The following PAK6 variants were observed in gnomAD, a reference collection of about 807,000 sequenced individuals.
The protein encoded by PAK6 is p21 (RAC1) activated kinase 6, also known as serine/threonine-protein kinase PAK 6.
PAK6 carries 33 observed loss-of-function variants against 60.8 expected under a neutral mutation model. The ratio of observed to expected loss-of-function variants is 0.54; its 90% CI spans 0.41 to 0.73. PAK6 has a LOEUF of 0.73. Ranked by LOEUF, PAK6 falls within the 30% of genes least tolerant of loss-of-function variation. PAK6 has a pLI of 0.00. For missense variants in PAK6, 845 were observed against 904.1 expected (o/e 0.93, Z 0.84); for synonymous variants, 404 against 378.5 (o/e 1.07, Z -0.78).
chr15:40,252,093 C>G (rs2038685462), intron 2 of PAK6: 1 of 328,548 alleles, frequency 3.0e-6, no homozygotes, highest in Admixed American at 4.7e-5. Context: ...AGGGGCTACC[C>G]CAGCACAGTC....
intron 7 of PAK6, 53 bp downstream of exon 7, chr15:40,273,052 C>T (rs1425588820): frequency 3.8e-6 from 6 of 1,596,354 alleles, no homozygotes; most frequent in Non-Finnish European, 5.1e-6. Context: ...CACCATGGCC[C>T]TGCCAGGGCA....
exon 6 of PAK6, chr15:40,272,265 A>G: frequency 6.2e-7 from 1 of 1,613,400 alleles, no homozygotes; most frequent in Non-Finnish European, 8.5e-7. Context: ...ACAACCCCCC[A>G]AGCCTGGTGG....
chr15:40,273,298 C>T, intron 7 of PAK6, 48 bp from the exon 8 acceptor site: 1 of 1,595,942 alleles, frequency 6.3e-7, no homozygotes, highest in Non-Finnish European at 8.5e-7. Context: ...CCACGACCTG[C>T]CAGAGCTAAC....
intron 5 of PAK6, among the ~76,000 whole-genome samples, chr15:40,269,766 C>T (rs1372207387): frequency 6.6e-6 from 1 of 152,224 alleles, no homozygotes; most frequent in African/African-American, 2.4e-5. Context: ...TGGGCCATCC[C>T]TCCCCCAGCC....
chr15:40,274,583 G>A (rs1038142554), intron 10 of PAK6, among the ~76,000 whole-genome samples: 4 of 152,254 alleles, frequency 2.6e-5, no homozygotes, highest in East Asian at 3.9e-4. Context: ...GGGAAAGCCA[G>A]GACACCAGCA....
intron 2 of PAK6, among the ~76,000 whole-genome samples, chr15:40,241,973 ACT>A (rs1324088635): frequency 6.6e-6 from 1 of 152,090 alleles, no homozygotes; most frequent in Admixed American, 6.5e-5. Flanking sequence ...ACAAAAGGTG[ACT>A]CTGTGCCTAG....
intron 2 of PAK6, among the ~76,000 whole-genome samples, chr15:40,250,376 G>A (rs1008149714): frequency 6.6e-6 from 1 of 152,246 alleles, no homozygotes. Context: ...AACTGGCGTT[G>A]TGATGGACCT....
exon 11 of PAK6, chr15:40,276,122 C>T (rs1303826049): frequency 1.1e-5 from 18 of 1,605,962 alleles, no homozygotes; most frequent in East Asian, 2.2e-5. Flanking sequence ...CTGCCACCTA[C>T]GCCCACAGGC....
intron 9 of PAK6, 93 bp downstream of exon 9, chr15:40,273,769 C>A: frequency 6.8e-7 from 1 of 1,475,062 alleles, no homozygotes; most frequent in Non-Finnish European, 9.2e-7. Flanking sequence ...TCACCAAAAG[C>A]AGCCCTGGTT....
At position 40,268,257 on chromosome 15, in the gene PAK6, G is replaced by C. The variant is rs534888852; in HGVS notation, c.858+1762G>C. On this transcript the variant is annotated intron_variant, in intron 5 of 10. Coordinates refer to ENST00000560346, the Ensembl canonical transcript of PAK6. ...AGCTGAGACCCCCCGAGCTGCTCCG[G>C]GCCGGGGCTTCTCAGCGTCCTCACT... 1.4e-3 allele frequency among the ~76,000 whole-genome samples: 215 copies of C among 152,268 alleles called. 6 individuals are homozygous for C. Among genetic ancestry groups the C allele is most frequent in the African/African-American group, 5.0e-3 (209 of 41,554 alleles).
chr15:40,273,929 T>C, intron 9 of PAK6: 1 of 674,264 alleles, frequency 1.5e-6, no homozygotes, highest in Non-Finnish European at 2.5e-6. Context: ...ATGATGGCCT[T>C]TCTCTGAGTG....
intron 2 of PAK6, among the ~76,000 whole-genome samples, chr15:40,243,076 C>T (rs893005117): frequency 2.0e-5 from 3 of 152,356 alleles, no homozygotes; most frequent in East Asian, 3.9e-4. Context: ...CTTTTGCCAA[C>T]TCTGGGTCCA....
At chr15:40,270,209 T>G (rs576889513) in intron 5 of PAK6, among the ~76,000 whole-genome samples, 1 of 152,308 alleles carries the variant, frequency 6.6e-6, no homozygotes, top group South Asian at 2.1e-4. Flanking sequence ...TGACGTCTCA[T>G]GGAACCTCTG....
At chr15:40,265,795 G>A (rs372108231) in intron 4 of PAK6, 47 bp from the exon 5 acceptor site, 550 of 1,487,942 alleles carry the variant, frequency 3.7e-4, no homozygotes, top group Non-Finnish European at 4.8e-4. Context: ...ACCCCTCCCT[G>A]CCACAATTGG....
At chr15:40,262,644 G>T (rs989167074) in intron 3 of PAK6, among the ~76,000 whole-genome samples, 14 of 152,338 alleles carry the variant, frequency 9.2e-5, no homozygotes, top group Admixed American at 2.0e-4. Flanking sequence ...TGACCCCTTT[G>T]ACTGGTAAGT....
intron 5 of PAK6, among the ~76,000 whole-genome samples, chr15:40,271,456 T>C (rs557066380): frequency 2.0e-5 from 3 of 152,232 alleles, no homozygotes; most frequent in Non-Finnish European, 4.4e-5. Flanking sequence ...AGGGAGGAAG[T>C]GGAAGGACTC....
chr15:40,252,824 C>T, intron 2 of PAK6: 3 of 1,290,186 alleles, frequency 2.3e-6, no homozygotes, highest in South Asian at 1.2e-5. Context: ...TGGGCGCAGG[C>T]ATCTGGAGCT....
intron 5 of PAK6, among the ~76,000 whole-genome samples, chr15:40,271,082 G>A (rs2039287523): frequency 6.6e-6 from 1 of 152,170 alleles, no homozygotes; most frequent in Non-Finnish European, 1.5e-5. Flanking sequence ...CTAAGACAAT[G>A]GCTTACATGA....
At chr15:40,274,348 T>TC in intron 10 of PAK6, 72 bp downstream of exon 10, 1 of 1,445,434 alleles carries the variant, frequency 6.9e-7, no homozygotes, top group East Asian at 2.4e-5. Context: ...GAACCTGGGC[T>TC]CCCAGCATCT....
Sources: allele counts gnomAD v4.1 joint callset (sites outside exome capture counted in the v4.1 genomes callset), GRCh38; gene constraint gnomAD v4.1.1; transcripts MANE v1.5; gene names NCBI Gene and HGNC (gene_info 2026-07-23, HGNC 2026-07-21).